The following PIK3C2G variants were observed in gnomAD, a reference collection of about 807,000 sequenced individuals.
PIK3C2G encodes phosphatidylinositol 3-kinase C2 domain-containing subunit gamma.
PIK3C2G carries 168 observed loss-of-function variants against 181.1 expected under a neutral mutation model. The observed-to-expected ratio is 0.93, with a 90% CI of 0.82 to 1.05. The LOEUF is 1.05. PIK3C2G is among the 50% of genes least tolerant of loss of function. The probability of loss-of-function intolerance (pLI) is 0.00; values close to 1 mark genes in which losing one functional copy is unlikely to be tolerated. For missense variants in PIK3C2G, 1,869 were observed against 1,732.8 expected (o/e 1.08, Z -1.40); for synonymous variants, 573 against 592.2 (o/e 0.97, Z 0.47).
At chr12:18,507,913 C>G (rs1289808718) in intron 24 of PIK3C2G, among the ~76,000 whole-genome samples, 1 of 152,188 alleles carries the variant, frequency 6.6e-6, no homozygotes, top group African/African-American at 2.4e-5. Context: ...CTTGTTGATG[C>G]TACAGCAGCT....
At chr12:18,479,134 C>T (rs1208849107) in intron 18 of PIK3C2G, among the ~76,000 whole-genome samples, 1 of 151,274 alleles carries the variant, frequency 6.6e-6, no homozygotes, top group Non-Finnish European at 1.5e-5. Flanking sequence ...AGTACATATA[C>T]ATACATACAT....
intron 32 of PIK3C2G, among the ~76,000 whole-genome samples, chr12:18,647,235 T>C (rs1193298702): frequency 6.6e-6 from 1 of 152,020 alleles, no homozygotes; most frequent in Non-Finnish European, 1.5e-5. Context: ...AGGAAAATCA[T>C]AGAAATTGGT....
chr12:18,613,135 A>G (rs1948427605), intron 31 of PIK3C2G, among the ~76,000 whole-genome samples: 1 of 152,056 alleles, frequency 6.6e-6, no homozygotes, highest in Admixed American at 6.6e-5. Flanking sequence ...TCTTTCATTG[A>G]TGTCTACAAT....
At chr12:18,273,030 A>G (rs1948810033) in intron 1 of PIK3C2G, among the ~76,000 whole-genome samples, 1 of 137,386 alleles carries the variant, frequency 7.3e-6, no homozygotes, top group Non-Finnish European at 1.7e-5. Context: ...ACACAAACAC[A>G]CACACACAGA....
At chr12:18,532,527 T>G (rs528561275) in intron 24 of PIK3C2G, among the ~76,000 whole-genome samples, 1 of 152,216 alleles carries the variant, frequency 6.6e-6, no homozygotes, top group Non-Finnish European at 1.5e-5. Context: ...GTTTATATTT[T>G]TACATATGGG....
At chr12:18,446,031 T>C (rs1457527960) in intron 18 of PIK3C2G, among the ~76,000 whole-genome samples, 1 of 152,200 alleles carries the variant, frequency 6.6e-6, no homozygotes, top group Admixed American at 6.5e-5. Flanking sequence ...CATTGCCTAT[T>C]TAAAAGAGTA....
chr12:18,688,518 G>A, the PIK3C2G span, among the ~76,000 whole-genome samples: 1 of 151,472 alleles, frequency 6.6e-6, no homozygotes, highest in Non-Finnish European at 1.5e-5. Context: ...GGGAATTCAG[G>A]TCGAGTTACT....
chr12:18,544,319 C>A (rs1489771985), intron 25 of PIK3C2G, among the ~76,000 whole-genome samples: 1 of 151,808 alleles, frequency 6.6e-6, no homozygotes, highest in Non-Finnish European at 1.5e-5. Flanking sequence ...GGATTTTAGA[C>A]TTTAGTACCT....
At chr12:18,338,708 T>TGTGC (rs1459715279) in intron 9 of PIK3C2G, among the ~76,000 whole-genome samples, 160 bp downstream of exon 9, 1 of 140,634 alleles carries the variant, frequency 7.1e-6, no homozygotes, top group Non-Finnish European at 1.5e-5. Context: ...TGTGTGTGTG[T>TGTGC]GCATGCAGCC....
chr12:18,408,331 A>G (rs770333669), intron 16 of PIK3C2G, among the ~76,000 whole-genome samples: 10 of 152,156 alleles, frequency 6.6e-5, no homozygotes, highest in Non-Finnish European at 1.5e-4. Flanking sequence ...ATCCTTTCCC[A>G]TTGCTTGTTT....
Position 18,371,327 on chromosome 12 carries a change from G to A in PIK3C2G, c.1880+16G>A. ...TTCCAAAAGAGTAAGTGTATCAATT[G>A]TGAGTAATAAGCCTATCATTTCAAT... On this transcript the variant is annotated intron_variant, in intron 13 of 32. Transcript: ENST00000538779. The A allele has an allele frequency of 1.3e-6, 2 of 1,594,288 alleles. No individual in the cohort carries two copies. Among genetic ancestry groups the A allele is most frequent in the Non-Finnish European group, 1.7e-6 (2 of 1,169,914 alleles).
the PIK3C2G span, among the ~76,000 whole-genome samples, chr12:18,667,850 G>A: frequency 1.3e-5 from 2 of 152,106 alleles, no homozygotes; most frequent in Admixed American, 6.6e-5. Flanking sequence ...ACATTGCTCT[G>A]CCTTCTTAAG....
At chr12:18,323,835 G>A (rs758777095) in intron 7 of PIK3C2G, among the ~76,000 whole-genome samples, 1 of 151,826 alleles carries the variant, frequency 6.6e-6, no homozygotes, top group Non-Finnish European at 1.5e-5. Flanking sequence ...CTTCCCAGTG[G>A]TTTTTTCTAT....
chr12:18,416,283 A>AAAGC (rs1453336402), intron 16 of PIK3C2G, among the ~76,000 whole-genome samples: 13 of 151,810 alleles, frequency 8.6e-5, no homozygotes, highest in Non-Finnish European at 1.3e-4. Flanking sequence ...AGGAAGGAAG[A>AAAGC]AAGCAAGCAA....
chr12:18,271,635 T>C (rs1271318210), intron 1 of PIK3C2G, among the ~76,000 whole-genome samples: 2 of 152,276 alleles, frequency 1.3e-5, no homozygotes, highest in East Asian at 3.9e-4. Context: ...TCTCAGACTA[T>C]TCTGTACTTT....
At chr12:18,510,527 C>CT (rs991165958) in intron 24 of PIK3C2G, among the ~76,000 whole-genome samples, 1 of 152,066 alleles carries the variant, frequency 6.6e-6, no homozygotes, top group African/African-American at 2.4e-5. Context: ...TTATTTCATA[C>CT]TTTTATTTTT....
intron 22 of PIK3C2G, 82 bp downstream of exon 22, chr12:18,497,830 G>A (rs1941140489): frequency 9.3e-7 from 1 of 1,075,004 alleles, no homozygotes; most frequent in Non-Finnish European, 1.3e-6. Context: ...ACTTTCTCCA[G>A]CTTTCGTTTT....
At chr12:18,599,716 C>T (rs1486441860) in intron 30 of PIK3C2G, among the ~76,000 whole-genome samples, 10 of 150,206 alleles carry the variant, frequency 6.7e-5, no homozygotes, top group Admixed American at 6.6e-4. Flanking sequence ...AGAAAACACA[C>T]CTAAAACAAA....
chr12:18,394,897 T>C (rs1943761863), intron 15 of PIK3C2G, among the ~76,000 whole-genome samples: 1 of 151,932 alleles, frequency 6.6e-6, no homozygotes, highest in Non-Finnish European at 1.5e-5. Flanking sequence ...GGCCAAATTT[T>C]ACAAATTTGA....
Sources: allele counts gnomAD v4.1 joint callset (sites outside exome capture counted in the v4.1 genomes callset), GRCh38; gene constraint gnomAD v4.1.1; transcripts MANE v1.5; gene names NCBI Gene and HGNC (gene_info 2026-07-23, HGNC 2026-07-21).